ITSN1: variants seen among roughly 807,000 people sequenced by gnomAD.
ITSN1 encodes the protein intersectin-1.
In ITSN1, 58 loss-of-function variants were observed where a neutral mutation model predicts 239.8. The ratio of observed to expected loss-of-function variants is 0.24; its 90% CI spans 0.20 to 0.30. The LOEUF is 0.30. Ranked by LOEUF, ITSN1 falls within the 10% of genes least tolerant of loss-of-function variation. The probability of loss-of-function intolerance (pLI) is 1.00; values close to 1 mark genes in which losing one functional copy is unlikely to be tolerated. For synonymous variants in ITSN1, 780 were observed against 770.8 expected, an observed-to-expected ratio of 1.01 and a Z score of -0.20; for missense variants, 1,558 against 2,103.3, an observed-to-expected ratio of 0.74 and a Z score of 5.07.
In ITSN1 at chr21:33,847,302, G is replaced by GGCCACTGCCATCCCCCACCA. The variant is rs2075016318; in HGVS notation, c.3662-9432_3662-9413dup. On this transcript the variant is annotated intron_variant, in intron 29 of 39. Transcript: ENST00000381318. ...AGGCCTGGCTGCCTTGGCCTAGACTGGCCACTGCCATCCCCCACCAGTCCC... is the reference window on the plus strand; with the variant it reads ...AGGCCTGGCTGCCTTGGCCTAGACTGGCCACTGCCATCCCCCACCAGCCACTGCCATCCCCCACCAGTCCC... Among the ~76,000 whole-genome samples, 3 of 152,322 alleles carry GGCCACTGCCATCCCCCACCA rather than the reference G, an allele frequency of 2.0e-5. No individual in the cohort carries two copies. The East Asian group carries it at 5.8e-4, about 29-fold the overall frequency.
chr21:33,774,273 T>G (rs2040121), intron 12 of ITSN1: 82,287 of 155,372 alleles, frequency 0.53, 23,553 homozygotes, highest in East Asian at 0.82. Context: ...GATTAGGAAG[T>G]GGGGAGTCGC....
Position 33,897,874 on chromosome 21 carries a change from T to A in ITSN1, c.*9574T>A, listed in dbSNP as rs1017247521. ...CTAAATTTCTTATATTAAAAAAAAA[T>A]TCCAAGTTGTATATGTTAGAAATCA... On this transcript the variant is annotated 3_prime_UTR_variant, in exon 40 of 40. Transcript: ENST00000381318. The A allele has an allele frequency of 6.6e-6, 1 of 152,118 alleles. No homozygotes were observed. Among genetic ancestry groups the A allele is most frequent in the African/African-American group, 2.4e-5 (1 of 41,402 alleles). 9.4% of individuals were successfully genotyped at this position (152,118 alleles called of 1,614,324 possible). A position where few individuals can be genotyped will look rare whatever the true frequency, so the allele number is the denominator to read the frequency against.
chr21:33,794,690 A>G (rs1231091590), intron 17 of ITSN1, among the ~76,000 whole-genome samples: 4 of 152,202 alleles, frequency 2.6e-5, no homozygotes, highest in Admixed American at 2.0e-4. Flanking sequence ...TCAAGCTACT[A>G]CTATGTAGAT....
intron 1 of ITSN1, among the ~76,000 whole-genome samples, chr21:33,653,069 A>G (rs1182132379): frequency 1.3e-5 from 2 of 149,730 alleles, no homozygotes; most frequent in Admixed American, 6.7e-5. Context: ...GTCTTGGCTC[A>G]CTGCAACCTC....
At chr21:33,713,360 C>T (rs953716618) in intron 1 of ITSN1, among the ~76,000 whole-genome samples, 4 of 152,028 alleles carry the variant, frequency 2.6e-5, no homozygotes, top group Admixed American at 2.0e-4. Context: ...CTGCCTCAGC[C>T]TCCCGAGTAG....
chr21:33,876,145 CTTTCTT>C (rs770515448), intron 34 of ITSN1, among the ~76,000 whole-genome samples: 940 of 24,286 alleles, frequency 0.039, 19 homozygotes, highest in African/African-American at 0.16. Context: ...TTCTTTCTTT[CTTTCTT>C]TCTCTCTCTC....
intron 1 of ITSN1, among the ~76,000 whole-genome samples, chr21:33,704,923 T>TAAAAA (rs55966725): frequency 5.3e-5 from 5 of 93,668 alleles, no homozygotes; most frequent in Admixed American, 1.2e-4. Context: ...CCATCTCTAC[T>TAAAAA]AAAAAAAAAA....
chr21:33,866,087 T>A (rs1981522051), intron 32 of ITSN1, among the ~76,000 whole-genome samples: 1 of 152,180 alleles, frequency 6.6e-6, no homozygotes, highest in Non-Finnish European at 1.5e-5. Context: ...AACAGGCATA[T>A]CTTTGGATCT....
chr21:33,709,553 G>A (rs114548984), intron 1 of ITSN1, among the ~76,000 whole-genome samples: 8,424 of 152,152 alleles, frequency 0.055, 798 homozygotes, highest in African/African-American at 0.19. Context: ...AAGTGCTGAG[G>A]TTACAGGCGT....
intron 29 of ITSN1, chr21:33,838,216 T>C: frequency 3.0e-6 from 3 of 985,280 alleles, no homozygotes; most frequent in Non-Finnish European, 3.6e-6. Flanking sequence ...AGGGGGAGCC[T>C]CAAGCACAAT....
chr21:33,775,127 T>C lies in ITSN1; in HGVS notation c.1596+19T>C, dbSNP rs186326027. The stretch of plus-strand genomic sequence containing the variant: ...ATTACAGGTGAGGAAATATGCCTCT[T>C]AAAAGCTATTATATTAAACTGGCAT... On this transcript the variant is annotated intron_variant, in intron 14 of 39. Coordinates refer to ENST00000381318, the MANE Select transcript of ITSN1 (RefSeq NM_003024.3). 4.4e-6 allele frequency: 7 copies of C among 1,599,148 alleles called. No homozygotes were observed. The Admixed American group carries it at 1.2e-4, about 28-fold the overall frequency.
chr21:33,760,511 A>G (rs1398704680), intron 8 of ITSN1, among the ~76,000 whole-genome samples: 2 of 152,228 alleles, frequency 1.3e-5, no homozygotes, highest in Admixed American at 1.3e-4. Context: ...GTTACCTGCC[A>G]TTAGAGCACC....
intron 1 of ITSN1, among the ~76,000 whole-genome samples, chr21:33,702,991 C>T (rs930183912): frequency 1.3e-5 from 2 of 151,818 alleles, no homozygotes. Context: ...ATGGAAAAAT[C>T]GCTTGAACTT....
At chr21:33,737,416 T>C (rs937678562) in intron 5 of ITSN1, among the ~76,000 whole-genome samples, 1 of 152,164 alleles carries the variant, frequency 6.6e-6, no homozygotes, top group African/African-American at 2.4e-5. Context: ...TATCAGAACA[T>C]AGGAGAAGTT....
intron 9 of ITSN1, among the ~76,000 whole-genome samples, chr21:33,765,447 T>A (rs556028431): frequency 8.9e-4 from 136 of 152,268 alleles, no homozygotes; most frequent in African/African-American, 3.1e-3. Flanking sequence ...AACTATGATC[T>A]TGACTGCAGT....
At chr21:33,669,462 C>T (rs759694757) in intron 1 of ITSN1, among the ~76,000 whole-genome samples, 1 of 137,678 alleles carries the variant, frequency 7.3e-6, no homozygotes, top group African/African-American at 2.7e-5. Flanking sequence ...TTTTTTGAGA[C>T]GGAGTCTCGC....
In ITSN1 at chr21:33,706,036, T is replaced by A. The variant is rs188952170; in HGVS notation, c.-32-12761T>A. 4.3e-4 allele frequency among the ~76,000 whole-genome samples: 65 copies of A among 152,300 alleles called. No individual in the cohort carries two copies. The East Asian group carries it at 0.011, about 25-fold the overall frequency. ...TTTCATATCATCTTTTATATTTGAA[T>A]TTTGTTCATATACTTATTGTCACCC... On this transcript the variant is annotated intron_variant, in intron 1 of 39. Transcript: ENST00000381318.
rs1261569452 is a variant in ITSN1, at chr21:33,772,204, C to T, written c.1186C>T (p.Arg396Cys). 5.6e-6 allele frequency: 9 copies of T among 1,613,660 alleles called. No homozygotes were observed. The highest frequency in any genetic ancestry group is 1.3e-5 in the African/African-American group (1 of 74,992). Residue 396 changes from arginine (R) to cysteine (C), a missense_variant, in exon 12 of 40, where the codon CGT becomes TGT. Coordinates refer to ENST00000381318, the MANE Select transcript of ITSN1 (RefSeq NM_003024.3). The stretch of plus-strand genomic sequence containing the variant: ...GCGGGCGGAGCAGGAGAGGAAGGAG[C>T]GTGAGCGCCAGGAGCAAGAGCGCAA... ...LERAEQERKE[R>C]ERQEQERKRQ... is the part of the protein sequence containing the mutation.
At chr21:33,696,140 T>G (rs1908285678) in intron 1 of ITSN1, among the ~76,000 whole-genome samples, 1 of 152,212 alleles carries the variant, frequency 6.6e-6, no homozygotes, top group African/African-American at 2.4e-5. Flanking sequence ...TTGCTCTCAT[T>G]CGTGATACCC....
Sources: gnomAD v4.1 joint callset for allele counts (sites outside exome capture counted in the v4.1 genomes callset) on GRCh38, gnomAD v4.1.1 for gene constraint, MANE v1.5 for transcripts, NCBI Gene and HGNC (gene_info 2026-07-23, HGNC 2026-07-21) for gene names.